Variants in AHR observed in about 807,000 individuals in gnomAD.
AHR encodes aryl hydrocarbon receptor.
A neutral mutation model predicts 86.8 loss-of-function variants in AHR; 40 were observed. That is an observed-to-expected ratio of 0.46 (90% CI 0.36 to 0.60). The LOEUF (loss-of-function observed/expected upper bound fraction) is 0.60, where lower values mean the gene tolerates loss of function less well. Among genes scored for constraint, AHR ranks in the 20% least tolerant of loss-of-function variants. The probability of loss-of-function intolerance (pLI) is 0.00; values close to 1 mark genes in which losing one functional copy is unlikely to be tolerated. For synonymous variants in AHR, 398 were observed against 354.9 expected (o/e 1.12, Z -1.37); for missense variants, 1,001 against 1,011.6 (o/e 0.99, Z 0.14).
At chr7:17,326,640 T>A (rs931511005) in intron 3 of AHR, among the ~76,000 whole-genome samples, 1 of 152,174 alleles carries the variant, frequency 6.6e-6, no homozygotes, top group African/African-American at 2.4e-5. Flanking sequence ...TGGGATATCG[T>A]CATTATATCT....
rs1781928786 is a variant in AHR, at chr7:17,299,296, C to T, written c.32C>T (p.Ala11Val). The T allele has an allele frequency of 6.2e-7, 1 of 1,612,418 alleles. No individual in the cohort carries two copies. The highest frequency in any genetic ancestry group is 8.5e-7 in the Non-Finnish European group (1 of 1,179,738). Residue 11 changes from alanine (A) to valine (V), a missense_variant, in exon 1 of 11, where the codon GCC becomes GTC. By Grantham distance (64) the Ala-to-Val change is moderately conservative. This residue lies in a region of AHR where 394 missense variants were observed against 468.5 expected (regional missense o/e 0.84). Coordinates refer to ENST00000242057, the MANE Select transcript of AHR (RefSeq NM_001621.5). ...AGCAGCAGCGCCAACATCACCTACG[C>T]CAGTCGCAAGCGGCGGAAGCCGGTG... is the stretch of plus-strand genomic sequence containing the variant. MNSSSANITY[A>V]SRKRRKPVQK...
chr7:17,326,871 C>T (rs979882513), intron 3 of AHR, among the ~76,000 whole-genome samples: 12 of 152,092 alleles, frequency 7.9e-5, no homozygotes, highest in African/African-American at 2.9e-4. Context: ...AAGAATAGAT[C>T]AAGTACCAAA....
chr7:17,306,749 T>G (rs1055381092), intron 1 of AHR, among the ~76,000 whole-genome samples: 27 of 152,144 alleles, frequency 1.8e-4, no homozygotes, highest in Admixed American at 1.7e-3. Flanking sequence ...TCTTCCTTAC[T>G]TCCTATAGTG....
intron 2 of AHR, among the ~76,000 whole-genome samples, chr7:17,313,539 A>C (rs959523077): frequency 2.0e-5 from 3 of 152,274 alleles, no homozygotes; most frequent in Admixed American, 2.0e-4. Flanking sequence ...ACTTGGATGG[A>C]TCTTCTTAAA....
Position 17,299,165 on chromosome 7 carries a change from G to A in AHR, c.-100G>A. ...CAGGTGGAGCGGGCGCGGCTTCGCG[G>A]AACCCGGCGCCGGCCGCCGCAGTGG... On this transcript the variant is annotated 5_prime_UTR_variant, in exon 1 of 11. Coordinates refer to ENST00000242057, the MANE Select transcript of AHR (RefSeq NM_001621.5). The A allele has an allele frequency of 7.4e-7, 1 of 1,351,376 alleles. No individual in the cohort carries two copies. The highest frequency in any genetic ancestry group is 2.5e-4 in the Middle Eastern group (1 of 3,942). The allele number at this position is 1,351,376 out of a possible 1,614,324, so 83.7% of individuals were successfully genotyped here. A position where few individuals can be genotyped will look rare whatever the true frequency, so the allele number is the denominator to read the frequency against.
At chr7:17,333,044 G>A (rs760139020) in intron 6 of AHR, among the ~76,000 whole-genome samples, 3 of 151,880 alleles carry the variant, frequency 2.0e-5, no homozygotes, top group South Asian at 2.1e-4. Flanking sequence ...TATTCAGTAC[G>A]ATAGCATGCT....
At chr7:17,319,186 A>G (rs940321812) in intron 2 of AHR, among the ~76,000 whole-genome samples, 22 of 152,246 alleles carry the variant, frequency 1.4e-4, no homozygotes, top group East Asian at 9.6e-4. Flanking sequence ...TAAGTTTCTC[A>G]TCATGGTTTG....
At position 17,339,450 on chromosome 7, in the gene AHR, T is replaced by A; in HGVS notation, c.1625T>A (p.Ile542Lys). ...AGTAAAAACAGTGACTTGTACAGCA[T>A]AATGAAAAACCTAGGCATTGATTTT... ...QDSKNSDLYS[I>K]MKNLGIDFED... The change falls in exon 10 of 11, where the codon ATA becomes AAA. Residue 542 changes from isoleucine to lysine, a missense_variant. Physicochemically the swap from Ile to Lys is moderately radical, Grantham distance 102. Coordinates refer to ENST00000242057, the MANE Select transcript of AHR (RefSeq NM_001621.5). 1 of 1,614,160 alleles carries A rather than the reference T, an allele frequency of 6.2e-7. No homozygotes were observed. Among genetic ancestry groups the A allele is most frequent in the Admixed American group, 1.7e-5 (1 of 60,024 alleles).
rs1300037628 is a variant in AHR at position 17,310,105 on chromosome 7, G to T, written c.235G>T (p.Ala79Ser). The stretch of plus-strand genomic sequence containing the variant: ...TAGGCTCAGCGTCAGTTACCTGAGA[G>T]CCAAGAGCTTCTTTGATGGTAAGAC... ...VLRLSVSYLRAKSFFDVALKS... is the reference protein window; with the variant it reads ...VLRLSVSYLRSKSFFDVALKS... Residue 79 changes from alanine (A) to serine (S), a missense_variant, in exon 2 of 11, where the codon GCC becomes TCC. By Grantham distance (99) the Ala-to-Ser change is moderately conservative. Transcript: ENST00000242057. The T allele has an allele frequency of 1.2e-6, 2 of 1,613,676 alleles. No homozygotes were observed. The highest frequency in any genetic ancestry group is 2.2e-5 in the South Asian group (2 of 91,048).
In AHR at chr7:17,339,056, G is replaced by C; in HGVS notation, c.1231G>C (p.Ala411Pro). The change falls in exon 10 of 11, where the codon GCT becomes CCT. Residue 411 changes from alanine (A) to proline (P), a missense_variant. By Grantham distance (27) the Ala-to-Pro change is conservative. Around this residue, in one of 2 missense-constraint regions of AHR, gnomAD observed 607 missense variants for 543.1 expected, o/e 1.12. Coordinates refer to ENST00000242057, the MANE Select transcript of AHR (RefSeq NM_001621.5). The stretch of plus-strand genomic sequence containing the variant: ...GCCTTTTATGTTTACCACTGGAGAA[G>C]CTGTGTTGTATGAGGCAACCAACCC... ...KLPFMFTTGEAVLYEATNPFP... is the reference protein window; with the variant it reads ...KLPFMFTTGEPVLYEATNPFP... 1 of 1,614,108 alleles carries C rather than the reference G, an allele frequency of 6.2e-7. No individual in the cohort carries two copies. Among genetic ancestry groups the C allele is most frequent in the Non-Finnish European group, 8.5e-7 (1 of 1,180,024 alleles).
intron 2 of AHR, among the ~76,000 whole-genome samples, chr7:17,318,397 G>T (rs926072876): frequency 3.9e-5 from 6 of 152,084 alleles, no homozygotes; most frequent in African/African-American, 1.4e-4. Flanking sequence ...ATTTGATAAT[G>T]CTGTGATGTA....
chr7:17,313,057 A>G (rs1411438918), intron 2 of AHR, among the ~76,000 whole-genome samples: 1 of 152,198 alleles, frequency 6.6e-6, no homozygotes, highest in Non-Finnish European at 1.5e-5. Context: ...ATAGTGGTGT[A>G]CATTCAGCCT....
chr7:17,314,993 G>A (rs1425962719), intron 2 of AHR, among the ~76,000 whole-genome samples: 1 of 151,924 alleles, frequency 6.6e-6, no homozygotes, highest in African/African-American at 2.4e-5. Context: ...CATCTTAAAT[G>A]GTGATTTAAC....
chr7:17,310,772 G>A (rs928772429), intron 2 of AHR, among the ~76,000 whole-genome samples: 1 of 152,102 alleles, frequency 6.6e-6, no homozygotes, highest in Non-Finnish European at 1.5e-5. Flanking sequence ...CTGACCTCAG[G>A]TGATCTGCCC....
At chr7:17,330,986 C>T in intron 6 of AHR, 100 bp downstream of exon 6, 1 of 1,308,504 alleles carries the variant, frequency 7.6e-7, no homozygotes, top group East Asian at 2.4e-5. Flanking sequence ...GAGAACTATT[C>T]CCAAATCAGG....
At chr7:17,325,558 T>C (rs1215167031) in intron 3 of AHR, among the ~76,000 whole-genome samples, 1 of 152,238 alleles carries the variant, frequency 6.6e-6, no homozygotes, top group Non-Finnish European at 1.5e-5. Context: ...ATGGGTAGAA[T>C]CACCATTGTT....
rs1467770694 is a variant in AHR at position 17,344,200 on chromosome 7, T to TTG, written c.*1137_*1138insGT. Reference sequence around the variant, plus strand: ...AATATATTGTGTTGACTTTATAAATTTCGCTTCTTAGAACAGTGGAAACTA... The same window carrying TTG: ...AATATATTGTGTTGACTTTATAAATTTGTCGCTTCTTAGAACAGTGGAAACTA... On this transcript the variant is annotated 3_prime_UTR_variant, in exon 11 of 11. Coordinates refer to ENST00000242057, the MANE Select transcript of AHR (RefSeq NM_001621.5). The TTG allele has an allele frequency of 6.5e-6, 1 of 152,792 alleles. No individual in the cohort carries two copies. The highest frequency in any genetic ancestry group is 1.9e-4 in the East Asian group (1 of 5,340). The allele number at this position is 152,792 out of a possible 1,614,324, so 9.5% of individuals were successfully genotyped here.
intron 6 of AHR, among the ~76,000 whole-genome samples, chr7:17,331,830 T>C (rs184325792): frequency 6.6e-6 from 1 of 152,098 alleles, no homozygotes; most frequent in East Asian, 1.9e-4. Context: ...ATACAAAGTA[T>C]ATTGTATATT....
In AHR at chr7:17,330,821, C is replaced by A. The variant is rs149809382; in HGVS notation, c.640C>A (p.Pro214Thr). 1 of 1,612,446 alleles carries A rather than the reference C, an allele frequency of 6.2e-7. No homozygotes were observed. Among genetic ancestry groups the A allele is most frequent in the Non-Finnish European group, 8.5e-7 (1 of 1,178,856 alleles). ...NPDQIPPENSPLMERCFICRL... is the reference protein window; with the variant it reads ...NPDQIPPENSTLMERCFICRL... ...AGACCAGATTCCTCCAGAAAACTCTCCTTTAATGGAGAGGTGCTTCATATG... is the reference window on the plus strand; with the variant it reads ...AGACCAGATTCCTCCAGAAAACTCTACTTTAATGGAGAGGTGCTTCATATG... The change falls in exon 6 of 11, where the codon CCT becomes ACT. Residue 214 changes from proline to threonine, a missense_variant. Around this residue, in one of 2 missense-constraint regions of AHR, gnomAD observed 394 missense variants for 468.5 expected, o/e 0.84. Coordinates refer to ENST00000242057, the MANE Select transcript of AHR (RefSeq NM_001621.5).
Sources: allele counts gnomAD v4.1 joint callset (sites outside exome capture counted in the v4.1 genomes callset), GRCh38; gene constraint gnomAD v4.1.1; regional missense constraint gnomAD v4.1.1; transcripts MANE v1.5; gene names NCBI Gene and HGNC (gene_info 2026-07-23, HGNC 2026-07-21).